Variants in RAP1GAP2 observed in about 807,000 individuals in gnomAD.
The protein encoded by RAP1GAP2 is RAP1 GTPase activating protein 2.
In RAP1GAP2, 27 loss-of-function variants were observed where a neutral mutation model predicts 95.0. The ratio of observed to expected loss-of-function variants is 0.28; its 90% CI spans 0.21 to 0.39. The LOEUF is 0.39. Ranked by LOEUF, RAP1GAP2 falls within the 10% of genes least tolerant of loss-of-function variation. RAP1GAP2 has a pLI of 1.00. For missense variants in RAP1GAP2, 771 were observed against 970.0 expected (o/e 0.79, Z 2.72); for synonymous variants, 373 against 380.9 (o/e 0.98, Z 0.24).
intron 2 of RAP1GAP2, among the ~76,000 whole-genome samples, chr17:2,829,654 A>G (rs186181045): frequency 1.0e-3 from 157 of 151,738 alleles, no homozygotes; most frequent in Non-Finnish European, 4.4e-4. Context: ...TCTGCCCTAT[A>G]CTCCGTGCTC....
At chr17:2,845,984 C>T (rs1021811216) in intron 2 of RAP1GAP2, among the ~76,000 whole-genome samples, 10 of 151,754 alleles carry the variant, frequency 6.6e-5, no homozygotes, top group African/African-American at 2.2e-4. Flanking sequence ...GAATTCGAGA[C>T]CAGCTGGACC....
chr17:2,947,183 C>T (rs542878941), intron 3 of RAP1GAP2, among the ~76,000 whole-genome samples: 1 of 147,916 alleles, frequency 6.8e-6, no homozygotes, highest in African/African-American at 2.5e-5. Flanking sequence ...GCTCCAGCAG[C>T]AAAGGAGCCG....
chr17:3,001,957 CTCT>C (rs1054548108), intron 14 of RAP1GAP2, among the ~76,000 whole-genome samples: 1 of 149,302 alleles, frequency 6.7e-6, no homozygotes, highest in Non-Finnish European at 1.5e-5. Context: ...TCTTTACCCA[CTCT>C]TCTTCTCCTT....
chr17:2,804,923 C>T (rs1046860385), intron 2 of RAP1GAP2, among the ~76,000 whole-genome samples: 11 of 152,200 alleles, frequency 7.2e-5, no homozygotes, highest in Non-Finnish European at 1.2e-4. Flanking sequence ...CCAGCCTTGA[C>T]GTTCTAGGAG....
At chr17:3,017,652 C>T (rs986407778) in intron 17 of RAP1GAP2, among the ~76,000 whole-genome samples, 1 of 152,214 alleles carries the variant, frequency 6.6e-6, no homozygotes, top group East Asian at 1.9e-4. Flanking sequence ...ATAGAATTCC[C>T]ATTTTACAGA....
intron 3 of RAP1GAP2, among the ~76,000 whole-genome samples, chr17:2,905,915 TCTCA>T (rs572916059): frequency 3.2e-4 from 48 of 152,290 alleles, no homozygotes; most frequent in African/African-American, 1.1e-3. Flanking sequence ...CCCAGGACCT[TCTCA>T]CTCCTGGACG....
At chr17:2,887,074 G>GTTT (rs112392825) in intron 2 of RAP1GAP2, among the ~76,000 whole-genome samples, 2 of 146,884 alleles carry the variant, frequency 1.4e-5, no homozygotes, top group Non-Finnish European at 1.5e-5. Flanking sequence ...ACGAATAATA[G>GTTT]TTTTTTTTTT....
intron 3 of RAP1GAP2, among the ~76,000 whole-genome samples, chr17:2,939,828 C>T (rs538011045): frequency 1.3e-5 from 2 of 152,382 alleles, no homozygotes; most frequent in African/African-American, 4.8e-5. Flanking sequence ...GCACCTCCAT[C>T]AGCCCTGGGT....
intron 8 of RAP1GAP2, among the ~76,000 whole-genome samples, chr17:2,979,623 C>T (rs560438041): frequency 4.0e-5 from 6 of 151,776 alleles, no homozygotes; most frequent in Middle Eastern, 3.2e-3. Context: ...CCCACCACCG[C>T]GCCCAGCTAA....
chr17:2,973,010 T>C (rs1453236447), intron 8 of RAP1GAP2, among the ~76,000 whole-genome samples: 1 of 152,160 alleles, frequency 6.6e-6, no homozygotes, highest in Non-Finnish European at 1.5e-5. Flanking sequence ...CATTATAGGC[T>C]AGTGAGGCTG....
intron 17 of RAP1GAP2, 143 bp from the exon 18 acceptor site, chr17:3,017,918 T>G: frequency 3.0e-6 from 1 of 332,204 alleles, no homozygotes; most frequent in Non-Finnish European, 4.8e-6. Context: ...TCTGTGACCG[T>G]GTGTGTGTGT....
intron 17 of RAP1GAP2, among the ~76,000 whole-genome samples, chr17:3,015,689 C>T (rs1298878934): frequency 3.9e-5 from 6 of 152,034 alleles, no homozygotes; most frequent in African/African-American, 4.8e-5. Flanking sequence ...TGGTTGCGGG[C>T]GCCTGTAGTC....
chr17:2,875,940 G>GT (rs1362785366), intron 2 of RAP1GAP2, among the ~76,000 whole-genome samples: 3 of 137,626 alleles, frequency 2.2e-5, no homozygotes, highest in Non-Finnish European at 3.2e-5. Context: ...TTGTTTGTTT[G>GT]TTTGTTTTTT....
At chr17:2,908,703 C>G (rs544374226) in intron 3 of RAP1GAP2, among the ~76,000 whole-genome samples, 1 of 152,124 alleles carries the variant, frequency 6.6e-6, no homozygotes, top group South Asian at 2.1e-4. Flanking sequence ...GGATTCAATT[C>G]TTCTTCTTTT....
chr17:2,998,091 A>G (rs2046028096), intron 13 of RAP1GAP2, 130 bp from the exon 14 acceptor site: 2 of 1,072,222 alleles, frequency 1.9e-6, no homozygotes, highest in Non-Finnish European at 1.4e-6. Context: ...TTCCAAAACA[A>G]CAACCACGAA....
At chr17:2,777,643 C>T (rs559636797) in intron 1 of RAP1GAP2, among the ~76,000 whole-genome samples, 6 of 152,262 alleles carry the variant, frequency 3.9e-5, no homozygotes, top group African/African-American at 1.4e-4. Context: ...TGAGGGATAC[C>T]CTTGCTTCCT....
intron 2 of RAP1GAP2, among the ~76,000 whole-genome samples, chr17:2,891,492 C>A (rs767219343): frequency 2.0e-5 from 3 of 151,802 alleles, no homozygotes; most frequent in African/African-American, 7.3e-5. Flanking sequence ...TAGATGGCCC[C>A]TCCCTACCCT....
At chr17:2,913,876 AT>A (rs202085687) in intron 3 of RAP1GAP2, among the ~76,000 whole-genome samples, 30 of 146,794 alleles carry the variant, frequency 2.0e-4, no homozygotes, top group East Asian at 1.2e-3. Flanking sequence ...CTAGAACTTA[AT>A]TTTTTTTTTT....
chr17:2,877,013 C>T (rs1333305722), intron 2 of RAP1GAP2, among the ~76,000 whole-genome samples: 2 of 151,766 alleles, frequency 1.3e-5, no homozygotes, highest in East Asian at 1.9e-4. Flanking sequence ...CTCAGCCTCC[C>T]GAGTAGCTGG....
Sources: gnomAD v4.1 joint callset for allele counts (sites outside exome capture counted in the v4.1 genomes callset) on GRCh38, gnomAD v4.1.1 for gene constraint, MANE v1.5 for transcripts, NCBI Gene and HGNC (gene_info 2026-07-23, HGNC 2026-07-21) for gene names.